GALNTL6: variants seen among roughly 807,000 people sequenced by gnomAD.
The protein encoded by GALNTL6 is polypeptide N-acetylgalactosaminyltransferase like 6, also known as polypeptide N-acetylgalactosaminyltransferase-like 6.
A neutral mutation model predicts 73.7 loss-of-function variants in GALNTL6; 46 were observed. The observed-to-expected ratio is 0.62, with a 90% CI of 0.49 to 0.80. The LOEUF is 0.80. Among genes scored for constraint, GALNTL6 ranks in the 30% least tolerant of loss-of-function variants. The pLI is 0.00. For missense variants in GALNTL6, 604 were observed against 755.0 expected, an observed-to-expected ratio of 0.80 and a Z score of 2.34; for synonymous variants, 259 against 263.7, an observed-to-expected ratio of 0.98 and a Z score of 0.17.
intron 5 of GALNTL6, among the ~76,000 whole-genome samples, chr4:172,529,670 TTTGTTG>T (rs10642038): frequency 0.042 from 6,252 of 148,188 alleles, 413 homozygotes; most frequent in African/African-American, 0.14. Flanking sequence ...ACCTAATTTG[TTTGTTG>T]TTGTTGTTGT....
intron 5 of GALNTL6, among the ~76,000 whole-genome samples, chr4:172,370,168 G>A (rs1742742484): frequency 6.6e-6 from 1 of 152,212 alleles, no homozygotes; most frequent in Admixed American, 6.5e-5. Context: ...GCCAGTGGAA[G>A]GGCCAGTGGG....
chr4:172,772,927 A>C (rs10031656), intron 5 of GALNTL6, among the ~76,000 whole-genome samples: 78,908 of 152,058 alleles, frequency 0.52, 21,334 homozygotes, highest in East Asian at 0.78. Flanking sequence ...ATGAAAAGGC[A>C]ATGTGACAAT....
intron 2 of GALNTL6, among the ~76,000 whole-genome samples, chr4:171,917,330 G>A (rs1301063965): frequency 6.6e-6 from 1 of 151,896 alleles, no homozygotes; most frequent in African/African-American, 2.4e-5. Context: ...GCTCCCTGCT[G>A]ACTTAAATAT....
chr4:172,370,788 G>A (rs890143819), intron 5 of GALNTL6, among the ~76,000 whole-genome samples: 4 of 152,086 alleles, frequency 2.6e-5, no homozygotes, highest in Admixed American at 1.3e-4. Context: ...TTCTCAGCAG[G>A]GGGGAGGTCT....
chr4:172,433,800 C>A (rs1731546241), intron 5 of GALNTL6, among the ~76,000 whole-genome samples: 1 of 152,166 alleles, frequency 6.6e-6, no homozygotes, highest in East Asian at 1.9e-4. Flanking sequence ...CTATTACTTT[C>A]TCTTACTCAG....
intron 5 of GALNTL6, among the ~76,000 whole-genome samples, chr4:172,719,688 G>A (rs1735333925): frequency 6.6e-6 from 1 of 152,058 alleles, no homozygotes; most frequent in Non-Finnish European, 1.5e-5. Flanking sequence ...CTGTTACCAG[G>A]AAGAGGTCTG....
chr4:172,806,147 T>G (rs115792833), intron 5 of GALNTL6, among the ~76,000 whole-genome samples: 1 of 152,122 alleles, frequency 6.6e-6, no homozygotes, highest in Non-Finnish European at 1.5e-5. Flanking sequence ...TTATAGGTAA[T>G]TGGATGTTAC....
intron 5 of GALNTL6, among the ~76,000 whole-genome samples, chr4:172,546,354 T>C (rs756110176): frequency 6.6e-6 from 1 of 152,148 alleles, no homozygotes; most frequent in African/African-American, 2.4e-5. Context: ...AAAATAGTGA[T>C]CAAATTTCTA....
At position 172,152,299 on chromosome 4, in the gene GALNTL6, T is replaced by C. The variant is rs538001618; in HGVS notation, c.139-77357T>C. On this transcript the variant is annotated intron_variant, in intron 2 of 12. Transcript: ENST00000506823. ...TCGGACCATTTCCTATATTTTTTAATTGAAGATCATAACTGAAGTGTTATG... is the reference window on the plus strand; with the variant it reads ...TCGGACCATTTCCTATATTTTTTAACTGAAGATCATAACTGAAGTGTTATG... Among the ~76,000 whole-genome samples the C allele has an allele frequency of 1.1e-4, 16 of 152,294 alleles. No individual in the cohort carries two copies. In the South Asian group the frequency reaches 3.3e-3, roughly 32 times the overall value.
intron 5 of GALNTL6, among the ~76,000 whole-genome samples, chr4:172,487,003 T>A (rs773713027): frequency 3.3e-5 from 5 of 152,210 alleles, no homozygotes; most frequent in Non-Finnish European, 7.3e-5. Flanking sequence ...TTATAAAATT[T>A]GTACAATGCT....
intron 2 of GALNTL6, among the ~76,000 whole-genome samples, chr4:172,183,991 C>T (rs979790261): frequency 6.6e-6 from 1 of 152,042 alleles, no homozygotes; most frequent in African/African-American, 2.4e-5. Context: ...CGGGGTTTCA[C>T]CATGTTGGCC....
chr4:172,455,362 A>G (rs915355301), intron 5 of GALNTL6, among the ~76,000 whole-genome samples: 6 of 152,140 alleles, frequency 3.9e-5, no homozygotes, highest in Admixed American at 3.9e-4. Context: ...AGACAGAACC[A>G]TTCACTCCCC....
intron 2 of GALNTL6, among the ~76,000 whole-genome samples, chr4:172,210,798 A>G (rs1205216604): frequency 6.6e-6 from 1 of 152,198 alleles, no homozygotes; most frequent in Non-Finnish European, 1.5e-5. Context: ...GAATATGTAC[A>G]TAATTAATTG....
chr4:172,709,558 G>C (rs145061457), intron 5 of GALNTL6, among the ~76,000 whole-genome samples: 25 of 152,240 alleles, frequency 1.6e-4, no homozygotes, highest in African/African-American at 4.6e-4. Context: ...CAGCAGGTGA[G>C]CTTTGTTTTT....
intron 2 of GALNTL6, among the ~76,000 whole-genome samples, chr4:171,823,046 A>G (rs1021901222): frequency 1.3e-5 from 2 of 152,196 alleles, no homozygotes; most frequent in African/African-American, 4.8e-5. Context: ...CTCTGGATTT[A>G]TAGAAAAAGA....
At chr4:172,422,195 AGTTGTGTATATTCTCT>A (rs1184219032) in intron 5 of GALNTL6, among the ~76,000 whole-genome samples, 4 of 152,112 alleles carry the variant, frequency 2.6e-5, no homozygotes, top group Admixed American at 2.0e-4. Context: ...CTTATCAAAT[AGTTGTGTATATTCTCT>A]GTCTCCAATT....
chr4:172,897,682 ACCT>A (rs2111230689), intron 8 of GALNTL6, among the ~76,000 whole-genome samples: 1 of 152,104 alleles, frequency 6.6e-6, no homozygotes, highest in African/African-American at 2.4e-5. Context: ...ATCAAAACAA[ACCT>A]CCTAGGTCTT....
chr4:172,069,444 A>G (rs1375660699), intron 2 of GALNTL6, among the ~76,000 whole-genome samples: 4 of 87,910 alleles, frequency 4.6e-5, no homozygotes, highest in Admixed American at 1.3e-4. Flanking sequence ...TAACATATAT[A>G]TGTAATATAT....
chr4:172,105,263 C>A (rs1167111751), intron 2 of GALNTL6, among the ~76,000 whole-genome samples: 1 of 151,764 alleles, frequency 6.6e-6, no homozygotes, highest in Admixed American at 6.6e-5. Context: ...AATGACTTAA[C>A]TAATGAATTG....
Sources: allele counts gnomAD v4.1 joint callset (sites outside exome capture counted in the v4.1 genomes callset), GRCh38; gene constraint gnomAD v4.1.1; transcripts MANE v1.5; gene names NCBI Gene and HGNC (gene_info 2026-07-23, HGNC 2026-07-21).